Variants in PPHLN1 observed in about 807,000 individuals in gnomAD.
PPHLN1 encodes periphilin-1.
Under a neutral mutation model 51.3 loss-of-function variants are expected in PPHLN1, and 29 were observed. That is an observed-to-expected ratio of 0.57 (90% CI 0.42 to 0.77). The LOEUF (loss-of-function observed/expected upper bound fraction) is 0.77, where lower values mean the gene tolerates loss of function less well. Among genes scored for constraint, PPHLN1 ranks in the 30% least tolerant of loss-of-function variants. The pLI is 0.00. For synonymous variants in PPHLN1, 147 were observed against 147.8 expected, an observed-to-expected ratio of 0.99 and a Z score of 0.04; for missense variants, 436 against 438.4, an observed-to-expected ratio of 0.99 and a Z score of 0.05.
Position 42,346,723 on chromosome 12 carries a change from G to A in PPHLN1, c.73-5162G>A, listed in dbSNP as rs184354948. Among the ~76,000 whole-genome samples the A allele has an allele frequency of 5.9e-5, 9 of 152,204 alleles. No homozygotes were observed. The East Asian group carries it at 1.5e-3, about 26-fold the overall frequency. The stretch of plus-strand genomic sequence containing the variant: ...ACATTCCCACCAACAATGTATTAGG[G>A]TTCTCTTTCTCTCATACCCTCACCA... On this transcript the variant is annotated intron_variant, in intron 2 of 9. Coordinates refer to ENST00000358314, the MANE Select transcript of PPHLN1 (RefSeq NM_201439.2).
At chr12:42,340,020 C>T (rs1565751209) in intron 2 of PPHLN1, among the ~76,000 whole-genome samples, 1 of 152,076 alleles carries the variant, frequency 6.6e-6, no homozygotes, top group Non-Finnish European at 1.5e-5. Flanking sequence ...TTATTAAAAG[C>T]TTAAGGCTGA....
chr12:42,412,066 G>A (rs554135099), intron 9 of PPHLN1, among the ~76,000 whole-genome samples: 27 of 152,146 alleles, frequency 1.8e-4, no homozygotes, highest in South Asian at 1.5e-3. Context: ...TTAGCTGGGC[G>A]TGGTGGCACG....
chr12:42,362,441 G>T (rs11181458), intron 4 of PPHLN1, among the ~76,000 whole-genome samples: 1 of 151,840 alleles, frequency 6.6e-6, no homozygotes, highest in South Asian at 2.1e-4. Context: ...CTAAGAATCC[G>T]TTGCCAAACC....
chr12:42,426,228 A>ACACCC (rs371819974), intron 9 of PPHLN1, among the ~76,000 whole-genome samples: 1 of 129,788 alleles, frequency 7.7e-6, no homozygotes. Context: ...ACACACACAC[A>ACACCC]CCCTCATGCA....
intron 5 of PPHLN1, among the ~76,000 whole-genome samples, chr12:42,375,691 T>G (rs951781516): frequency 5.3e-5 from 8 of 152,152 alleles, no homozygotes; most frequent in African/African-American, 1.9e-4. Context: ...TTATTTTATT[T>G]TATTTTTATG....
intron 9 of PPHLN1, among the ~76,000 whole-genome samples, chr12:42,420,497 C>CT (rs2080890760): frequency 6.7e-6 from 1 of 148,614 alleles, no homozygotes; most frequent in Non-Finnish European, 1.5e-5. Context: ...GAGATGGAGT[C>CT]TCACTTTCTT....
chr12:42,377,591 A>G (rs747891975), intron 5 of PPHLN1, among the ~76,000 whole-genome samples: 1 of 152,176 alleles, frequency 6.6e-6, no homozygotes, highest in Non-Finnish European at 1.5e-5. Flanking sequence ...GGCATGAGCC[A>G]CTGTGCTCTG....
rs1212463195 is a variant in PPHLN1 at position 42,426,334 on chromosome 12, T to G, written c.910-14981T>G. ...CACTACTCTTCAAAACCAAGCAAGT[T>G]CATTTATCTTTGCTAAGGATTTAGT... is the stretch of plus-strand genomic sequence containing the variant. On this transcript the variant is annotated intron_variant, in intron 9 of 9. Transcript: ENST00000358314. Among the ~76,000 whole-genome samples, 6 of 152,226 alleles carry G rather than the reference T, an allele frequency of 3.9e-5. No homozygotes were observed. In the East Asian group the frequency reaches 1.2e-3, roughly 29 times the overall value.
intron 5 of PPHLN1, among the ~76,000 whole-genome samples, chr12:42,380,859 TATGCTGTGTTCA>T (rs970205016): frequency 6.6e-6 from 1 of 152,210 alleles, no homozygotes; most frequent in African/African-American, 2.4e-5. Flanking sequence ...TGAAGCCCAC[TATGCTGTGTTCA>T]ATACTTACAT....
rs2070485014 is a variant in PPHLN1 at position 42,335,599 on chromosome 12, T to C, written c.-20-284T>C. ...GAAGAAGTATTTGTGGTCTGAAGTG[T>C]GCCACCAATTTCCTCCCATAATTGA... On this transcript the variant is annotated intron_variant, in intron 1 of 9. Coordinates refer to ENST00000358314, the MANE Select transcript of PPHLN1 (RefSeq NM_201439.2). Among the ~76,000 whole-genome samples, 10 of 152,068 alleles carry C rather than the reference T, an allele frequency of 6.6e-5. No homozygotes were observed. In the South Asian group the frequency reaches 2.1e-3, roughly 32 times the overall value.
At chr12:42,387,287 T>C in intron 6 of PPHLN1, 169 bp from the exon 7 acceptor site, 1 of 636,946 alleles carries the variant, frequency 1.6e-6, no homozygotes, top group Non-Finnish European at 2.4e-6. Context: ...TGATGGTGCT[T>C]AGCCTCTGAG....
At chr12:42,340,721 C>A (rs557611682) in intron 2 of PPHLN1, among the ~76,000 whole-genome samples, 2 of 152,242 alleles carry the variant, frequency 1.3e-5, no homozygotes, top group East Asian at 3.9e-4. Context: ...TATTCTCTTT[C>A]TTAATCTGGG....
At chr12:42,353,946 AAAC>A (rs1421914683) in intron 3 of PPHLN1, among the ~76,000 whole-genome samples, 4 of 152,194 alleles carry the variant, frequency 2.6e-5, no homozygotes, top group African/African-American at 9.6e-5. Context: ...CTCTTCAAAC[AAAC>A]AACAAGCATA....
At chr12:42,416,883 C>T (rs987482233) in intron 9 of PPHLN1, among the ~76,000 whole-genome samples, 29 of 152,086 alleles carry the variant, frequency 1.9e-4, no homozygotes, top group Admixed American at 1.8e-3. Context: ...AATGCAGTAT[C>T]ATTTTATGAG....
intron 9 of PPHLN1, among the ~76,000 whole-genome samples, chr12:42,409,044 T>C (rs1351653033): frequency 6.6e-6 from 1 of 152,280 alleles, no homozygotes; most frequent in East Asian, 1.9e-4. Context: ...TAAAATAAAA[T>C]AGAAGTATTA....
At chr12:42,391,898 A>T (rs1170218960) in intron 7 of PPHLN1, among the ~76,000 whole-genome samples, 1 of 152,136 alleles carries the variant, frequency 6.6e-6, no homozygotes. Flanking sequence ...AGGTGTAGAA[A>T]AACATCAAAT....
rs60131845 is a variant in PPHLN1, at chr12:42,396,615, C to CAAAAAAAAAAAAA, written c.769-2218_769-2206dup. Among the ~76,000 whole-genome samples the CAAAAAAAAAAAAA allele has an allele frequency of 3.9e-4, 33 of 85,486 alleles. 4 individuals carry two copies. The highest frequency in any genetic ancestry group is 5.7e-3 in the Middle Eastern group (1 of 176). The allele number at this position is 85,486 out of a possible 152,430, so 56.1% of individuals were successfully genotyped here. On this transcript the variant is annotated intron_variant, in intron 8 of 9. Coordinates refer to ENST00000358314, the MANE Select transcript of PPHLN1 (RefSeq NM_201439.2). ...GCAATGTAGTAAGGTCTTGTCACTA[C>CAAAAAAAAAAAAA]AAAAAAAAAAAAAAAAAAAAAAAAA... is the stretch of plus-strand genomic sequence containing the variant.
chr12:42,395,954 C>T (rs1250355503), intron 8 of PPHLN1, among the ~76,000 whole-genome samples: 3 of 152,112 alleles, frequency 2.0e-5, no homozygotes, highest in Admixed American at 1.3e-4. Flanking sequence ...CAATAATATA[C>T]TTAAATATTC....
rs1039533249 is a variant in PPHLN1 at position 42,347,607 on chromosome 12, C to G, written c.73-4278C>G. Among the ~76,000 whole-genome samples the G allele has an allele frequency of 2.6e-5, 4 of 152,162 alleles. 1 individual carries two copies. In the South Asian group the frequency reaches 8.3e-4, roughly 31 times the overall value. Reference sequence around the variant, plus strand: ...CCAGCCTGACCAGTACGGTGAAATCCTGTCTCTACTAAAAATACAAAAATT... The same window carrying G: ...CCAGCCTGACCAGTACGGTGAAATCGTGTCTCTACTAAAAATACAAAAATT... On this transcript the variant is annotated intron_variant, in intron 2 of 9. Transcript: ENST00000358314.
Sources: gnomAD v4.1 joint callset for allele counts (sites outside exome capture counted in the v4.1 genomes callset) on GRCh38, gnomAD v4.1.1 for gene constraint, MANE v1.5 for transcripts, NCBI Gene and HGNC (gene_info 2026-07-23, HGNC 2026-07-21) for gene names.